GALNT7: variants seen among roughly 807,000 people sequenced by gnomAD.
The protein encoded by GALNT7 is N-acetylgalactosaminyltransferase 7.
A neutral mutation model predicts 82.1 loss-of-function variants in GALNT7; 60 were observed. That is an observed-to-expected ratio of 0.73 (90% CI 0.59 to 0.91). The LOEUF is 0.91. Among genes scored for constraint, GALNT7 ranks in the 40% least tolerant of loss-of-function variants. The pLI is 0.00. For missense variants in GALNT7, 660 were observed against 804.2 expected, an observed-to-expected ratio of 0.82 and a Z score of 2.17; for synonymous variants, 243 against 275.1, an observed-to-expected ratio of 0.88 and a Z score of 1.15.
intron 9 of GALNT7, among the ~76,000 whole-genome samples, chr4:173,314,912 A>G (rs1257457163): frequency 2.0e-5 from 3 of 152,184 alleles, no homozygotes; most frequent in South Asian, 4.1e-4. Context: ...AGGGCCTACT[A>G]TGTGCCAGTC....
At chr4:173,278,059 G>A (rs1330372525) in intron 2 of GALNT7, among the ~76,000 whole-genome samples, 2 of 152,182 alleles carry the variant, frequency 1.3e-5, no homozygotes, top group African/African-American at 4.8e-5. Context: ...AAAGGGGAGA[G>A]AGAAAACTTG....
At chr4:173,272,647 T>G (rs1460945152) in intron 2 of GALNT7, among the ~76,000 whole-genome samples, 1 of 152,212 alleles carries the variant, frequency 6.6e-6, no homozygotes, top group African/African-American at 2.4e-5. Flanking sequence ...ATTCCGGAAA[T>G]GAGGTAGACT....
At chr4:173,248,489 A>T (rs773993583) in intron 2 of GALNT7, 49 bp downstream of exon 2, 1 of 1,170,140 alleles carries the variant, frequency 8.5e-7, no homozygotes, top group African/African-American at 1.5e-5. Flanking sequence ...TGTTGTTTTC[A>T]TAGGTTTTTA....
intron 1 of GALNT7, among the ~76,000 whole-genome samples, chr4:173,213,598 T>C (rs1462256103): frequency 6.6e-6 from 1 of 152,166 alleles, no homozygotes; most frequent in Non-Finnish European, 1.5e-5. Context: ...TGTTATACTT[T>C]GCAATCAAAT....
intron 2 of GALNT7, among the ~76,000 whole-genome samples, chr4:173,269,415 G>A (rs1176259999): frequency 6.6e-6 from 1 of 152,166 alleles, no homozygotes; most frequent in Non-Finnish European, 1.5e-5. Flanking sequence ...AAGGCAGCTG[G>A]AATCATGCCA....
At position 173,239,018 on chromosome 4, in the gene GALNT7, CAT is replaced by C. The variant is rs886872178; in HGVS notation, c.127-8961_127-8960del. 2.5e-4 allele frequency among the ~76,000 whole-genome samples: 38 copies of C among 152,230 alleles called. 1 individual carries two copies. The highest frequency in any genetic ancestry group is 1.2e-3 in the Admixed American group (19 of 15,274). ...ATTTATTCCCACTTGAGTATTAACT[CAT>C]GTTTTTCTGACCTGATTTAGCAGGG... On this transcript the variant is annotated intron_variant, in intron 1 of 11. Coordinates refer to ENST00000265000, the MANE Select transcript of GALNT7 (RefSeq NM_017423.3).
At chr4:173,246,684 A>G (rs1434525792) in intron 1 of GALNT7, among the ~76,000 whole-genome samples, 1 of 152,214 alleles carries the variant, frequency 6.6e-6, no homozygotes, top group African/African-American at 2.4e-5. Context: ...TTTTGCCTCT[A>G]AATAAACTAC....
At chr4:173,192,541 T>C (rs1032351266) in intron 1 of GALNT7, among the ~76,000 whole-genome samples, 7 of 152,196 alleles carry the variant, frequency 4.6e-5, no homozygotes, top group East Asian at 3.8e-4. Context: ...CAATGAAAGA[T>C]GCCCAAGCTG....
chr4:173,184,471 G>A (rs892306245), intron 1 of GALNT7, among the ~76,000 whole-genome samples: 4 of 151,854 alleles, frequency 2.6e-5, no homozygotes, highest in South Asian at 2.1e-4. Context: ...GGTGGCGCCC[G>A]CCTGCAATCC....
chr4:173,207,576 T>G (rs1733139783), intron 1 of GALNT7, among the ~76,000 whole-genome samples: 1 of 152,244 alleles, frequency 6.6e-6, no homozygotes, highest in South Asian at 2.1e-4. Context: ...TCTCTGATGT[T>G]GTAAACAGTT....
At position 173,292,596 on chromosome 4, in the gene GALNT7, C is replaced by G. The variant is rs1736586021; in HGVS notation, c.754+322C>G. On this transcript the variant is annotated intron_variant, in intron 3 of 11. Transcript: ENST00000265000. The surrounding 1 kb of genome is among the most constrained non-coding windows in gnomAD (Gnocchi z 4.8). Reference sequence around the variant, plus strand: ...TAGAAGCGAAGATAAACATAGGTAGCATGAAAATATCGTTCAAAATGGCTT... The same window carrying G: ...TAGAAGCGAAGATAAACATAGGTAGGATGAAAATATCGTTCAAAATGGCTT... Among the ~76,000 whole-genome samples, 1 of 152,134 alleles carries G rather than the reference C, an allele frequency of 6.6e-6. No homozygotes were observed. The highest frequency in any genetic ancestry group is 1.5e-5 in the Non-Finnish European group (1 of 68,000).
At chr4:173,191,190 G>T (rs558787510) in intron 1 of GALNT7, among the ~76,000 whole-genome samples, 14 of 152,036 alleles carry the variant, frequency 9.2e-5, no homozygotes, top group African/African-American at 2.4e-4. Flanking sequence ...TCACAAAAGC[G>T]CCTGGCAAGT....
At chr4:173,251,408 A>G (rs923785794) in intron 2 of GALNT7, among the ~76,000 whole-genome samples, 3 of 152,194 alleles carry the variant, frequency 2.0e-5, no homozygotes, top group African/African-American at 4.8e-5. Context: ...TTTTACTGCT[A>G]TGGTATTTTC....
intron 4 of GALNT7, 24 bp downstream of exon 4, chr4:173,295,550 A>G (rs888228876): frequency 3.1e-6 from 5 of 1,603,650 alleles, no homozygotes; most frequent in South Asian, 2.2e-5. Flanking sequence ...GATATCTACA[A>G]TGTCAACATT....
chr4:173,242,510 CTGTTT>C, intron 1 of GALNT7, among the ~76,000 whole-genome samples: 1 of 152,178 alleles, frequency 6.6e-6, no homozygotes. Flanking sequence ...GGTAAGGTCT[CTGTTT>C]AATCTTGGGC....
At chr4:173,319,633 T>C (rs1257497536) in intron 11 of GALNT7, among the ~76,000 whole-genome samples, 1 of 151,984 alleles carries the variant, frequency 6.6e-6, no homozygotes, top group Non-Finnish European at 1.5e-5. Context: ...CAAGAAGTAA[T>C]TGAACAAAAA....
chr4:173,247,049 G>A (rs1369567091), intron 1 of GALNT7, among the ~76,000 whole-genome samples: 2 of 152,038 alleles, frequency 1.3e-5, no homozygotes, highest in African/African-American at 4.8e-5. Flanking sequence ...AAATCGAAAT[G>A]CTTAGACCAA....
chr4:173,317,751 G>A lies in GALNT7; in HGVS notation c.1707+19G>A. ...GAATCAGGTAAACCACCTTACTTTT[G>A]TGTTTAAGTTGTTCCGTATTGAGGG... On this transcript the variant is annotated intron_variant, in intron 10 of 11. Transcript: ENST00000265000. 6.8e-7 allele frequency: 1 copy of A among 1,480,110 alleles called. No homozygotes were observed. The highest frequency in any genetic ancestry group is 9.5e-7 in the Non-Finnish European group (1 of 1,058,180). 91.7% of individuals were successfully genotyped at this position (1,480,110 alleles called of 1,614,324 possible). A position where few individuals can be genotyped will look rare whatever the true frequency, so the allele number is the denominator to read the frequency against.
In GALNT7 at chr4:173,248,441, G is replaced by A. The variant is rs747444789; in HGVS notation, c.587+1G>A. On this transcript the variant is annotated splice_donor_variant, in intron 2 of 11. Transcript: ENST00000265000. LOFTEE classifies it high-confidence loss of function. Reference sequence around the variant, plus strand: ...GCGTCAATGACTTACGCCAAGAAGAGTAAGCACACATCCTCTTCTTTCTAA... The same window carrying A: ...GCGTCAATGACTTACGCCAAGAAGAATAAGCACACATCCTCTTCTTTCTAA... 1.9e-6 allele frequency: 3 copies of A among 1,573,132 alleles called. No homozygotes were observed. The highest frequency in any genetic ancestry group is 2.6e-6 in the Non-Finnish European group (3 of 1,149,396).
Sources: gnomAD v4.1 joint callset for allele counts (sites outside exome capture counted in the v4.1 genomes callset) on GRCh38, gnomAD v4.1.1 for gene constraint, Gnocchi (gnomAD v3.1) non-coding constraint, MANE v1.5 for transcripts, NCBI Gene and HGNC (gene_info 2026-07-23, HGNC 2026-07-21) for gene names.